PAMR1: variants seen among roughly 807,000 people sequenced by gnomAD.
PAMR1 encodes the protein inactive serine protease PAMR1.
In PAMR1, 88 loss-of-function variants were observed where a neutral mutation model predicts 81.8. The observed-to-expected ratio is 1.08, with a 90% CI of 0.91 to 1.28. The LOEUF (loss-of-function observed/expected upper bound fraction) is 1.28. Ranked by LOEUF, PAMR1 falls within the 50% of genes most tolerant of loss-of-function variation. The probability of loss-of-function intolerance (pLI) is 0.00; values close to 1 mark genes in which losing one functional copy is unlikely to be tolerated. For missense variants in PAMR1, 935 were observed against 919.7 expected, an observed-to-expected ratio of 1.02 and a Z score of -0.21; for synonymous variants, 336 against 345.3, an observed-to-expected ratio of 0.97 and a Z score of 0.30.
upstream of PAMR1, chr11:35,526,071 TGAG>T (rs2307967): frequency 0.29 from 47,585 of 162,358 alleles, 7,255 homozygotes; most frequent in East Asian, 0.39. Context: ...AAGCCTGGCC[TGAG>T]GAGAAGGAGG....
At chr11:35,528,945 A>T (rs1169110850), upstream of PAMR1, 1 of 152,242 alleles carries the variant, frequency 6.6e-6, no homozygotes, top group African/African-American at 2.4e-5. Flanking sequence ...CAGTAATCAG[A>T]TATTACCTTG....
chr11:35,473,582 G>A (rs1255435511), intron 4 of PAMR1, among the ~76,000 whole-genome samples: 2 of 152,122 alleles, frequency 1.3e-5, no homozygotes, highest in African/African-American at 4.8e-5. Flanking sequence ...CCAACCCCAC[G>A]TCCTCAGGGA....
intron 1 of PAMR1, among the ~76,000 whole-genome samples, chr11:35,520,148 TC>T (rs764643658): frequency 2.0e-5 from 3 of 152,208 alleles, no homozygotes; most frequent in Non-Finnish European, 4.4e-5. Flanking sequence ...AATGGAAGCC[TC>T]TTCAAAGGTG....
chr11:35,525,014 G>T (rs548902592), intron 1 of PAMR1, among the ~76,000 whole-genome samples: 2 of 152,188 alleles, frequency 1.3e-5, no homozygotes, highest in East Asian at 3.9e-4. Flanking sequence ...TACTCCGAAG[G>T]GGTATGGCTG....
intron 3 of PAMR1, among the ~76,000 whole-genome samples, chr11:35,483,926 T>C (rs956249501): frequency 1.3e-5 from 2 of 152,216 alleles, no homozygotes; most frequent in African/African-American, 4.8e-5. Context: ...TGGTGAAGAC[T>C]ACCTCCTTGT....
chr11:35,445,195 C>A (rs372634275), intron 6 of PAMR1, among the ~76,000 whole-genome samples: 2 of 152,152 alleles, frequency 1.3e-5, no homozygotes, highest in Non-Finnish European at 2.9e-5. Flanking sequence ...GATTTTGTGT[C>A]CTGAGACTTT....
Position 35,522,213 on chromosome 11 carries a change from C to T in PAMR1, c.73+3300G>A, listed in dbSNP as rs181844569. ...CTGGGATTATAGGCATGAGCCACTGCGCCTGCCTCAAATCGTTTTTAAGTG... is the reference window on the plus strand; with the variant it reads ...CTGGGATTATAGGCATGAGCCACTGTGCCTGCCTCAAATCGTTTTTAAGTG... On this transcript the variant is annotated intron_variant, in intron 1 of 10. Transcript: ENST00000619888. Among the ~76,000 whole-genome samples the T allele has an allele frequency of 5.8e-3, 882 of 152,280 alleles. 4 individuals carry two copies. The highest frequency in any genetic ancestry group is 9.2e-3 in the Non-Finnish European group (625 of 68,016).
chr11:35,462,342 G>A (rs1856672623), intron 6 of PAMR1, among the ~76,000 whole-genome samples: 3 of 152,160 alleles, frequency 2.0e-5, no homozygotes, highest in Admixed American at 2.0e-4. Context: ...GTCTTTTCCT[G>A]GGATTCAGTA....
chr11:35,502,370 G>A (rs942631820), intron 1 of PAMR1, among the ~76,000 whole-genome samples: 2 of 152,092 alleles, frequency 1.3e-5, no homozygotes, highest in African/African-American at 4.8e-5. Context: ...CAGGTATTAA[G>A]CCTGGCATGC....
chr11:35,467,465 T>G (rs1590344501), intron 6 of PAMR1, among the ~76,000 whole-genome samples: 1 of 152,218 alleles, frequency 6.6e-6, no homozygotes, highest in East Asian at 1.9e-4. Context: ...AGGCCTTATA[T>G]AAGACATGTG....
At chr11:35,512,378 G>T (rs532906819) in intron 1 of PAMR1, among the ~76,000 whole-genome samples, 1 of 152,270 alleles carries the variant, frequency 6.6e-6, no homozygotes, top group South Asian at 2.1e-4. Context: ...AGGAAACAGG[G>T]TAAATAAATT....
intron 1 of PAMR1, among the ~76,000 whole-genome samples, chr11:35,503,908 A>G (rs1189710567): frequency 6.6e-6 from 1 of 152,162 alleles, no homozygotes; most frequent in African/African-American, 2.4e-5. Flanking sequence ...TATTATAATG[A>G]ATAATAAAAG....
chr11:35,519,203 T>C (rs192590899), intron 1 of PAMR1, among the ~76,000 whole-genome samples: 66 of 152,268 alleles, frequency 4.3e-4, no homozygotes, highest in Non-Finnish European at 7.4e-4. Context: ...TGATAGACAG[T>C]AGATCCTCAT....
intron 1 of PAMR1, among the ~76,000 whole-genome samples, chr11:35,500,675 A>C (rs1331132462): frequency 6.6e-6 from 1 of 152,230 alleles, no homozygotes; most frequent in African/African-American, 2.4e-5. Flanking sequence ...TGACAGGCAT[A>C]CGTTCTGTGA....
chr11:35,445,086 T>C (rs139364304), intron 6 of PAMR1, among the ~76,000 whole-genome samples: 19 of 152,352 alleles, frequency 1.2e-4, no homozygotes, highest in Non-Finnish European at 1.2e-4. Context: ...CTAGGCATTT[T>C]ATTCTCTTTG....
At position 35,522,164 on chromosome 11, in the gene PAMR1, T is replaced by C. The variant is rs373350043; in HGVS notation, c.73+3349A>G. Among the ~76,000 whole-genome samples, 74 of 152,286 alleles carry C rather than the reference T, an allele frequency of 4.9e-4. No homozygotes were observed. The East Asian group carries it at 6.0e-3, about 12-fold the overall frequency. On this transcript the variant is annotated intron_variant, in intron 1 of 10. Transcript: ENST00000619888. ...GCCTCGATCTCCTGACCTCGTGATC[T>C]GCCCGCCCTGGCCTCCCAAAGTGCT...
intron 1 of PAMR1, among the ~76,000 whole-genome samples, chr11:35,516,181 G>A (rs890337430): frequency 2.6e-5 from 4 of 152,164 alleles, no homozygotes; most frequent in Admixed American, 2.0e-4. Flanking sequence ...CCACATCAGC[G>A]AGGGGAAGTA....
chr11:35,455,612 A>G (rs747575472), intron 6 of PAMR1, among the ~76,000 whole-genome samples: 3 of 152,186 alleles, frequency 2.0e-5, no homozygotes, highest in Non-Finnish European at 4.4e-5. Flanking sequence ...AAAAGCCCCT[A>G]GAAGCCAAAG....
chr11:35,511,130 G>A (rs1028691148), intron 1 of PAMR1, among the ~76,000 whole-genome samples: 23 of 152,238 alleles, frequency 1.5e-4, no homozygotes, highest in African/African-American at 5.5e-4. Flanking sequence ...GAATGAGTGA[G>A]TGAAAGAAAG....
Sources: allele counts gnomAD v4.1 joint callset (sites outside exome capture counted in the v4.1 genomes callset), GRCh38; gene constraint gnomAD v4.1.1; transcripts MANE v1.5; gene names NCBI Gene and HGNC (gene_info 2026-07-23, HGNC 2026-07-21).